The following EIF3A variants were observed in gnomAD, a reference collection of about 807,000 sequenced individuals.
EIF3A encodes EIF3, p180 subunit.
A neutral mutation model predicts 186.6 loss-of-function variants in EIF3A; 21 were observed. The observed-to-expected ratio is 0.11, with a 90% confidence interval of 0.08 to 0.16. The LOEUF (loss-of-function observed/expected upper bound fraction) is 0.16. Ranked by LOEUF, EIF3A falls within the 10% of genes least tolerant of loss-of-function variation. The pLI, the probability that EIF3A is intolerant of heterozygous loss-of-function variation, is 1.00. For synonymous variants in EIF3A, 563 were observed against 584.3 expected, an observed-to-expected ratio of 0.96 and a Z score of 0.52; for missense variants, 1,306 against 1,796.3, an observed-to-expected ratio of 0.73 and a Z score of 4.93.
At chr10:119,039,373 T>TA (rs758935941) in intron 19 of EIF3A, among the ~76,000 whole-genome samples, 5 of 152,150 alleles carry the variant, frequency 3.3e-5, no homozygotes, top group Non-Finnish European at 7.4e-5. Context: ...AGTGTAGTGC[T>TA]AAAATGCTGT....
At chr10:119,060,063 A>G in intron 9 of EIF3A, 1 of 517,722 alleles carries the variant, frequency 1.9e-6, no homozygotes, top group South Asian at 1.4e-5. Context: ...ACTGCTAATT[A>G]GCCTTCAATT....
chr10:119,077,777 T>G (rs1256693097), intron 1 of EIF3A, among the ~76,000 whole-genome samples: 2 of 152,054 alleles, frequency 1.3e-5, no homozygotes, highest in Admixed American at 6.6e-5. Flanking sequence ...ATGGTCTTGA[T>G]CTCCTGACCT....
chr10:119,057,902 G>T, intron 12 of EIF3A, 54 bp downstream of exon 12: 1 of 1,386,210 alleles, frequency 7.2e-7, no homozygotes, highest in South Asian at 1.3e-5. Context: ...GTGGTTCTAA[G>T]AGTACAAAAT....
chr10:119,059,004 T>C (rs562732531), intron 11 of EIF3A, among the ~76,000 whole-genome samples: 1 of 152,362 alleles, frequency 6.6e-6, no homozygotes, highest in South Asian at 2.1e-4. Context: ...TTACATTACC[T>C]ACACAGAGTA....
chr10:119,060,698 T>C, intron 9 of EIF3A, 48 bp downstream of exon 9: 1 of 1,445,442 alleles, frequency 6.9e-7, no homozygotes, highest in Non-Finnish European at 9.5e-7. Flanking sequence ...TTTAGTTTCA[T>C]GATGAGCACA....
At chr10:119,064,989 C>T (rs991242845) in intron 7 of EIF3A, among the ~76,000 whole-genome samples, 5 of 152,066 alleles carry the variant, frequency 3.3e-5, no homozygotes, top group African/African-American at 7.2e-5. Flanking sequence ...GGATTACAGA[C>T]GTGAGCCACC....
At position 119,042,760 on chromosome 10, in the gene EIF3A, A is replaced by C. The variant is rs757242907; in HGVS notation, c.2760T>G (p.Arg920=). ...ACCTGTCCTCATCTCGCCCTTCTCCACGTCTCCACTCCCTACACAGCAACA... is the reference window on the plus strand; with the variant it reads ...ACCTGTCCTCATCTCGCCCTTCTCCCCGTCTCCACTCCCTACACAGCAACA... ...RRGPPEKEWR[R]GEGRDEDRSH... The change falls in exon 19 of 22, where the codon CGT becomes CGG. Residue 920 remains arginine, a synonymous_variant. Transcript: ENST00000369144. The surrounding 1 kb of genome is among the most constrained non-coding windows in gnomAD (Gnocchi z 7.8). 2.5e-6 allele frequency: 4 copies of C among 1,604,488 alleles called. No homozygotes were observed. The African/African-American group carries it at 5.4e-5, about 21-fold the overall frequency.
At chr10:119,079,933 C>G (rs1409199967) in intron 1 of EIF3A, among the ~76,000 whole-genome samples, 1 of 152,162 alleles carries the variant, frequency 6.6e-6, no homozygotes, top group Non-Finnish European at 1.5e-5. Flanking sequence ...ATTCCAACTT[C>G]CAGTGATTCG....
chr10:119,053,630 T>A (rs1242406347), intron 14 of EIF3A, among the ~76,000 whole-genome samples: 1 of 149,014 alleles, frequency 6.7e-6, no homozygotes, highest in African/African-American at 2.5e-5. Context: ...GAGGCTGAAG[T>A]GGGCACTTGA....
intron 21 of EIF3A, 58 bp downstream of exon 21, chr10:119,037,060 TC>T (rs11336519): frequency 0.35 from 135,855 of 389,078 alleles, 23,185 homozygotes; most frequent in Middle Eastern, 0.56. Context: ...ATAACCCAAA[TC>T]CCCCCCCCCC....
intron 14 of EIF3A, 141 bp from the exon 15 acceptor site, chr10:119,051,462 C>G (rs563149164): frequency 1.3e-6 from 1 of 794,240 alleles, no homozygotes; most frequent in South Asian, 2.1e-5. Flanking sequence ...ACGTTAACTA[C>G]ATCCATGTCA....
At chr10:119,044,523 G>C (rs1353712092) in intron 17 of EIF3A, among the ~76,000 whole-genome samples, 5 of 152,188 alleles carry the variant, frequency 3.3e-5, no homozygotes, top group African/African-American at 9.7e-5. Context: ...GTCTAATGGG[G>C]GTGGTTAAAT....
chr10:119,069,671 A>T lies in EIF3A; in HGVS notation c.742-17T>A. The T allele has an allele frequency of 1.5e-6, 2 of 1,322,394 alleles. No homozygotes were observed. Among genetic ancestry groups the T allele is most frequent in the Non-Finnish European group, 2.2e-6 (2 of 915,980 alleles). The allele number at this position is 1,322,394 out of a possible 1,614,324, so 81.9% of individuals were successfully genotyped here. On this transcript the variant is annotated splice_polypyrimidine_tract_variant and intron_variant, in intron 5 of 21. Transcript: ENST00000369144. ...GAATGCTTCCTAAAATTAGGAGTATAAATTAAAGTCATTGCATTCTATAAC... is the reference window on the plus strand; with the variant it reads ...GAATGCTTCCTAAAATTAGGAGTATTAATTAAAGTCATTGCATTCTATAAC...
rs1316630321 is a variant in EIF3A, at chr10:119,072,771, C to G, written c.541+119G>C. 3 of 1,254,240 alleles carry G rather than the reference C, an allele frequency of 2.4e-6. No homozygotes were observed. The African/African-American group carries it at 4.5e-5, about 19-fold the overall frequency. 77.7% of individuals were successfully genotyped at this position (1,254,240 alleles called of 1,614,324 possible). A position where few individuals can be genotyped will look rare whatever the true frequency, so the allele number is the denominator to read the frequency against. ...CATCCGGCCGCAGTCATTTAATACT[C>G]ATGTGAATGCCAACATTTCAATAAG... On this transcript the variant is annotated intron_variant, in intron 4 of 21. Coordinates refer to ENST00000369144, the MANE Select transcript of EIF3A (RefSeq NM_003750.4).
At chr10:119,069,191 A>C (rs1240173719) in intron 6 of EIF3A, among the ~76,000 whole-genome samples, 1 of 111,296 alleles carries the variant, frequency 9.0e-6, no homozygotes, top group Non-Finnish European at 2.0e-5. Context: ...CTGTTCAGGA[A>C]GGGCAATGTC....
At position 119,069,511 on chromosome 10, in the gene EIF3A, T is replaced by A. The variant is rs1186003805; in HGVS notation, c.885A>T (p.Thr295=). 2 of 1,589,812 alleles carry A rather than the reference T, an allele frequency of 1.3e-6. No homozygotes were observed. Among genetic ancestry groups the A allele is most frequent in the Non-Finnish European group, 1.7e-6 (2 of 1,157,956 alleles). The change falls in exon 6 of 22, where the codon ACA becomes ACT. Residue 295 remains threonine (T), a synonymous_variant. Transcript: ENST00000369144. ...KSGNALFHAS[T]LHRLYHLSRE... ...TAGAGAGATGGTAAAGACGATGGAG[T>A]GTAGATGCATGAAAAAGAGCATTTC...
chr10:119,049,691 C>T (rs1848330444), intron 17 of EIF3A, 110 bp downstream of exon 17: 1 of 885,988 alleles, frequency 1.1e-6, no homozygotes, highest in Non-Finnish European at 1.7e-6. Context: ...GCTGAGATTG[C>T]ACCACTGTAC....
At chr10:119,063,036 G>C (rs1843915764) in intron 7 of EIF3A, among the ~76,000 whole-genome samples, 1 of 151,980 alleles carries the variant, frequency 6.6e-6, no homozygotes, top group African/African-American at 2.4e-5. Flanking sequence ...GATTAGACGT[G>C]AGCCACCGCG....
chr10:119,048,506 T>C (rs1372314070), intron 17 of EIF3A, among the ~76,000 whole-genome samples: 6 of 152,090 alleles, frequency 3.9e-5, no homozygotes, highest in Non-Finnish European at 7.4e-5. Context: ...TTGAATCACC[T>C]AGGAATCCTG....
Sources: allele counts gnomAD v4.1 joint callset (sites outside exome capture counted in the v4.1 genomes callset), GRCh38; gene constraint gnomAD v4.1.1; non-coding constraint Gnocchi (gnomAD v3.1); transcripts MANE v1.5; gene names NCBI Gene and HGNC (gene_info 2026-07-23, HGNC 2026-07-21).